The following RANBP9 variants were observed in gnomAD, a reference collection of about 807,000 sequenced individuals.
RANBP9 encodes the protein ran-binding protein 9.
A neutral mutation model predicts 84.3 loss-of-function variants in RANBP9; 15 were observed. The ratio of observed to expected loss-of-function variants is 0.18; its 90% CI spans 0.12 to 0.27. The LOEUF (loss-of-function observed/expected upper bound fraction) is 0.27, where lower values mean the gene tolerates loss of function less well. Ranked by LOEUF, RANBP9 falls within the 10% of genes least tolerant of loss-of-function variation. The pLI, the probability that RANBP9 is intolerant of heterozygous loss-of-function variation, is 1.00. For missense variants in RANBP9, 809 were observed against 912.8 expected (o/e 0.89, Z 1.46); for synonymous variants, 392 against 349.6 (o/e 1.12, Z -1.35).
intron 5 of RANBP9, among the ~76,000 whole-genome samples, chr6:13,648,139 T>G (rs1265483224): frequency 7.3e-6 from 1 of 136,250 alleles, no homozygotes; most frequent in Non-Finnish European, 1.6e-5. Flanking sequence ...CTTATATGAC[T>G]GGTTTTTTTT....
intron 2 of RANBP9, among the ~76,000 whole-genome samples, chr6:13,665,012 G>A (rs933625001): frequency 6.6e-6 from 1 of 152,074 alleles, no homozygotes. Context: ...TCCAAAAGAG[G>A]ATGGAAAGTC....
chr6:13,646,946 G>T (rs527781686), intron 5 of RANBP9, among the ~76,000 whole-genome samples: 1 of 152,098 alleles, frequency 6.6e-6, no homozygotes, highest in Non-Finnish European at 1.5e-5. Context: ...TTTTTAATGC[G>T]CACTTAAAAA....
In RANBP9 at chr6:13,663,512, T is replaced by G. The variant is rs73358353; in HGVS notation, c.684-4680A>C. 5.3e-3 allele frequency among the ~76,000 whole-genome samples: 810 copies of G among 152,154 alleles called. 4 individuals carry two copies. Among genetic ancestry groups the G allele is most frequent in the African/African-American group, 0.018 (766 of 41,522 alleles). ...TAACATACCATAGATGTAATACATATGACAATTACAGCAAGGACAGGAGGA... is the reference window on the plus strand; with the variant it reads ...TAACATACCATAGATGTAATACATAGGACAATTACAGCAAGGACAGGAGGA... On this transcript the variant is annotated intron_variant, in intron 2 of 13. Transcript: ENST00000011619.
chr6:13,711,315 G>A lies in RANBP9; in HGVS notation c.191C>T (p.Ala64Val), dbSNP rs1758275672. 9 of 1,070,792 alleles carry A rather than the reference G, an allele frequency of 8.4e-6. No homozygotes were observed. Among genetic ancestry groups the A allele is most frequent in the Non-Finnish European group, 1.0e-5 (9 of 886,812 alleles). 66.3% of individuals were successfully genotyped at this position (1,070,792 alleles called of 1,614,324 possible). A position where few individuals can be genotyped will look rare whatever the true frequency, so the allele number is the denominator to read the frequency against. ...GAGGEGLGAA[A>V]AALLLHPPPP... ...CGGAGGGTGGAGGAGCAGGGCGGCC[G>A]CCGCGGCCCCTAAGCCTTCGCCGCC... The change falls in exon 1 of 14, where the codon GCG becomes GTG. Residue 64 changes from alanine to valine, a missense_variant. Around this residue, in one of 5 missense-constraint regions of RANBP9, gnomAD observed 302 missense variants for 240.1 expected, o/e 1.26. Transcript: ENST00000011619.
chr6:13,637,356 T>C (rs559770927), intron 10 of RANBP9, among the ~76,000 whole-genome samples: 1 of 146,596 alleles, frequency 6.8e-6, no homozygotes, highest in East Asian at 1.9e-4. Flanking sequence ...AGTTTTGAAC[T>C]TGGAAAACAT....
In RANBP9 at chr6:13,711,735, G is replaced by A. The variant is rs927836708; in HGVS notation, c.-230C>T. 1.3e-4 allele frequency among the ~76,000 whole-genome samples: 19 copies of A among 148,370 alleles called. No individual in the cohort carries two copies. The highest frequency in any genetic ancestry group is 4.6e-4 in the African/African-American group (19 of 41,048). On this transcript the variant is annotated 5_prime_UTR_variant, in exon 1 of 14. Transcript: ENST00000011619. ...AGAGAACGTTGGCCGGAGCGCGGGC[G>A]CGCGGCCCGGGGACGAGGCGCCGAG...
chr6:13,667,537 A>G (rs3906327), intron 2 of RANBP9, among the ~76,000 whole-genome samples: 61,391 of 152,050 alleles, frequency 0.4, 12,885 homozygotes, highest in Admixed American at 0.51. Context: ...GTACAACAAT[A>G]GTCCTATAAG....
At chr6:13,625,569 CA>C in intron 13 of RANBP9, 83 bp downstream of exon 13, 1 of 808,854 alleles carries the variant, frequency 1.2e-6, no homozygotes, top group Non-Finnish European at 2.0e-6. Context: ...ATGATTTTAC[CA>C]AAGTGTAAAT....
In RANBP9 at chr6:13,700,967, A is replaced by G. The variant is rs550412931; in HGVS notation, c.572-4071T>C. ...GGAAAACATGGTTTTCCAGCCACGC[A>G]TTCAGGACATTATTGCAGAAACACC... On this transcript the variant is annotated intron_variant, in intron 1 of 13. Coordinates refer to ENST00000011619, the MANE Select transcript of RANBP9 (RefSeq NM_005493.3). Among the ~76,000 whole-genome samples, 3 of 152,320 alleles carry G rather than the reference A, an allele frequency of 2.0e-5. No homozygotes were observed. In the South Asian group the frequency reaches 6.2e-4, roughly 32 times the overall value.
chr6:13,670,600 T>A (rs548317493), intron 2 of RANBP9, among the ~76,000 whole-genome samples: 1 of 151,982 alleles, frequency 6.6e-6, no homozygotes, highest in Admixed American at 6.6e-5. Flanking sequence ...ATCGAGACCA[T>A]CCTGGCTAAC....
At chr6:13,676,097 T>C (rs187861343) in intron 2 of RANBP9, among the ~76,000 whole-genome samples, 8 of 152,132 alleles carry the variant, frequency 5.3e-5, no homozygotes, top group Admixed American at 4.6e-4. Flanking sequence ...CTAGAAGCAA[T>C]GATACCCAAG....
chr6:13,694,222 T>A (rs1313281629), intron 2 of RANBP9, among the ~76,000 whole-genome samples: 1 of 152,202 alleles, frequency 6.6e-6, no homozygotes, highest in Non-Finnish European at 1.5e-5. Context: ...AACCTGTATA[T>A]ACATGTTTAC....
chr6:13,632,402 C>T lies in RANBP9; in HGVS notation c.1915G>A (p.Gly639Ser). ...AMSEQLRRDCGKNTANKKMLK... is the reference protein window; with the variant it reads ...AMSEQLRRDCSKNTANKKMLK... ...ATTTTTTTGTTTGCAGTGTTCTTGCCACAGTCTCTCCTTAGCTGTTCACTC... is the reference window on the plus strand; with the variant it reads ...ATTTTTTTGTTTGCAGTGTTCTTGCTACAGTCTCTCCTTAGCTGTTCACTC... The change falls in exon 12 of 14, where the codon GGC becomes AGC. Residue 639 changes from glycine (G) to serine (S), a missense_variant. By Grantham distance (56) the Gly-to-Ser change is moderately conservative. Coordinates refer to ENST00000011619, the MANE Select transcript of RANBP9 (RefSeq NM_005493.3). 1 of 1,612,422 alleles carries T rather than the reference C, an allele frequency of 6.2e-7. No homozygotes were observed. The highest frequency in any genetic ancestry group is 8.5e-7 in the Non-Finnish European group (1 of 1,179,360).
intron 1 of RANBP9, among the ~76,000 whole-genome samples, chr6:13,704,169 A>G (rs566104773): frequency 6.6e-6 from 1 of 152,332 alleles, no homozygotes; most frequent in South Asian, 2.1e-4. Context: ...AGTCTTCTAA[A>G]TGAATTTACT....
intron 5 of RANBP9, among the ~76,000 whole-genome samples, chr6:13,646,474 T>C (rs1765176307): frequency 6.6e-6 from 1 of 152,090 alleles, no homozygotes; most frequent in African/African-American, 2.4e-5. Context: ...AGTTATGAGA[T>C]ACTTTAACAC....
At chr6:13,637,401 G>C (rs182003183) in intron 10 of RANBP9, among the ~76,000 whole-genome samples, 188 of 152,258 alleles carry the variant, frequency 1.2e-3, no homozygotes, top group African/African-American at 4.0e-3. Flanking sequence ...CTCACACACA[G>C]AGAAAAAATC....
chr6:13,669,446 G>A (rs1228046765), intron 2 of RANBP9, among the ~76,000 whole-genome samples: 1 of 152,046 alleles, frequency 6.6e-6, no homozygotes, highest in African/African-American at 2.4e-5. Flanking sequence ...CAAAAAAGTT[G>A]GAAGACTCAC....
intron 2 of RANBP9, among the ~76,000 whole-genome samples, chr6:13,686,067 CTTTT>C (rs913061535): frequency 4.5e-5 from 6 of 134,778 alleles, no homozygotes; most frequent in South Asian, 2.4e-4. Context: ...TTTTTCTGTA[CTTTT>C]TTTTCTTTCC....
At chr6:13,697,856 T>C (rs531115169) in intron 1 of RANBP9, among the ~76,000 whole-genome samples, 1 of 152,372 alleles carries the variant, frequency 6.6e-6, no homozygotes, top group East Asian at 1.9e-4. Context: ...TGGGGTGTTC[T>C]AGTTAAATAT....
Sources: gnomAD v4.1 joint callset for allele counts (sites outside exome capture counted in the v4.1 genomes callset) on GRCh38, gnomAD v4.1.1 for gene constraint, gnomAD v4.1.1 regional missense constraint, MANE v1.5 for transcripts, NCBI Gene and HGNC (gene_info 2026-07-23, HGNC 2026-07-21) for gene names.